KIF6: variants seen among roughly 807,000 people sequenced by gnomAD.
KIF6 encodes kinesin family member 6, also known as kinesin-like protein KIF6.
KIF6 carries 106 observed loss-of-function variants against 112.7 expected under a neutral mutation model. The observed-to-expected ratio is 0.94, with a 90% CI of 0.80 to 1.11. The LOEUF is 1.11. Ranked by LOEUF, KIF6 falls within the 50% of genes least tolerant of loss-of-function variation. The pLI, the probability that KIF6 is intolerant of heterozygous loss-of-function variation, is 0.00. For missense variants in KIF6, 929 were observed against 964.0 expected (o/e 0.96, Z 0.48); for synonymous variants, 339 against 339.9 (o/e 1.00, Z 0.03).
At chr6:39,620,796 T>A (rs1224140166) in intron 5 of KIF6, among the ~76,000 whole-genome samples, 1 of 149,030 alleles carries the variant, frequency 6.7e-6, no homozygotes, top group East Asian at 2.1e-4. Flanking sequence ...TGAGGCAGAG[T>A]CTTCCACTGT....
intron 13 of KIF6, among the ~76,000 whole-genome samples, chr6:39,451,458 A>G (rs1278977438): frequency 6.6e-6 from 1 of 152,228 alleles, no homozygotes; most frequent in African/African-American, 2.4e-5. Flanking sequence ...CTTGCTTTCT[A>G]GGAAGCCAGT....
chr6:39,624,325 C>CA (rs1201219612), intron 5 of KIF6, among the ~76,000 whole-genome samples: 1 of 152,146 alleles, frequency 6.6e-6, no homozygotes, highest in Non-Finnish European at 1.5e-5. Flanking sequence ...TGTTGGTATA[C>CA]ATGGTATTAA....
chr6:39,695,322 T>TAA (rs1788462987), intron 3 of KIF6, among the ~76,000 whole-genome samples: 1 of 152,100 alleles, frequency 6.6e-6, no homozygotes, highest in Admixed American at 6.5e-5. Flanking sequence ...ACGATTGAAC[T>TAA]AAAGAGCTTC....
intron 13 of KIF6, among the ~76,000 whole-genome samples, chr6:39,449,156 A>G (rs1772526194): frequency 2.0e-5 from 3 of 152,212 alleles, no homozygotes; most frequent in Admixed American, 1.3e-4. Context: ...GCCAGCTTCC[A>G]TTTTGCCCTC....
At chr6:39,392,485 T>C (rs900014105) in intron 15 of KIF6, among the ~76,000 whole-genome samples, 1 of 152,230 alleles carries the variant, frequency 6.6e-6, no homozygotes, top group African/African-American at 2.4e-5. Flanking sequence ...TTAAAGTATG[T>C]TGAGGATACT....
At chr6:39,514,550 G>A (rs946162529) in intron 13 of KIF6, among the ~76,000 whole-genome samples, 7 of 152,186 alleles carry the variant, frequency 4.6e-5, no homozygotes, top group Non-Finnish European at 7.3e-5. Flanking sequence ...AAATGTGTAA[G>A]ATTTAGTTTT....
At chr6:39,608,734 T>C (rs552747742) in intron 6 of KIF6, among the ~76,000 whole-genome samples, 3 of 152,358 alleles carry the variant, frequency 2.0e-5, no homozygotes, top group Non-Finnish European at 2.9e-5. Flanking sequence ...TGAAGTCATC[T>C]GTGATGTTCT....
intron 13 of KIF6, among the ~76,000 whole-genome samples, chr6:39,510,150 G>A (rs1776686534): frequency 6.7e-6 from 1 of 149,470 alleles, no homozygotes; most frequent in Non-Finnish European, 1.5e-5. Flanking sequence ...CTGGAGTGCA[G>A]CGGCATGATC....
intron 13 of KIF6, among the ~76,000 whole-genome samples, chr6:39,437,378 T>G (rs2150390343): frequency 6.6e-6 from 1 of 152,330 alleles, no homozygotes; most frequent in East Asian, 1.9e-4. Flanking sequence ...CAGTTTTGTT[T>G]GCAGCAATAT....
In KIF6 at chr6:39,346,077, TCTCTCTCTCCC is replaced by T. The variant is rs1763712884; in HGVS notation, c.2232-299_2232-289del. Among the ~76,000 whole-genome samples the T allele has an allele frequency of 1.8e-4, 5 of 27,416 alleles. No individual in the cohort carries two copies. In the South Asian group the frequency reaches 3.6e-3, roughly 20 times the overall value. The allele number at this position is 27,416 out of a possible 152,430, so 18.0% of individuals were successfully genotyped here. A position where few individuals can be genotyped will look rare whatever the true frequency, so the allele number is the denominator to read the frequency against. ...CTCTCTCTCTCTCTCTCTCTCTCTCTCTCTCTCTCCCCCCCCTCTCCCTCCCCCCCTCCCTC... is the reference window on the plus strand; with the variant it reads ...CTCTCTCTCTCTCTCTCTCTCTCTCTCCCCCTCTCCCTCCCCCCCTCCCTC... On this transcript the variant is annotated intron_variant, in intron 20 of 22. Transcript: ENST00000287152.
intron 3 of KIF6, among the ~76,000 whole-genome samples, chr6:39,681,398 T>C (rs536210981): frequency 6.6e-6 from 1 of 152,214 alleles, no homozygotes; most frequent in Non-Finnish European, 1.5e-5. Flanking sequence ...TATATTTTCA[T>C]GTATAAAAAC....
intron 13 of KIF6, among the ~76,000 whole-genome samples, chr6:39,503,084 A>T (rs916846755): frequency 6.6e-6 from 1 of 152,124 alleles, no homozygotes; most frequent in African/African-American, 2.4e-5. Context: ...GATCACATAA[A>T]TTAGAAGTAA....
Position 39,389,591 on chromosome 6 carries a change from T to C in KIF6, c.1811-3919A>G, listed in dbSNP as rs57017293. Among the ~76,000 whole-genome samples the C allele has an allele frequency of 1.4e-3, 210 of 152,296 alleles. 1 individual carries two copies. Among genetic ancestry groups the C allele is most frequent in the African/African-American group, 4.8e-3 (201 of 41,548 alleles). On this transcript the variant is annotated intron_variant, in intron 15 of 22. Coordinates refer to ENST00000287152, the MANE Select transcript of KIF6 (RefSeq NM_145027.6). ...TAAGTGCTGGACCAACGGCTGGCCT[T>C]GCTCCTCCATCAGGGATGGTTTGCT... is the stretch of plus-strand genomic sequence containing the variant.
chr6:39,441,424 T>C (rs1304555334), intron 13 of KIF6, among the ~76,000 whole-genome samples: 1 of 152,218 alleles, frequency 6.6e-6, no homozygotes, highest in Non-Finnish European at 1.5e-5. Context: ...ACTGTGCAGA[T>C]GGTCTCCCCT....
In KIF6 at chr6:39,596,277, A is replaced by T; in HGVS notation, c.640-17T>A. ...CATAGGAGTCTATAAAAAAATTGCAAAACAAAAATTATTTGAACAATGAAA... is the reference window on the plus strand; with the variant it reads ...CATAGGAGTCTATAAAAAAATTGCATAACAAAAATTATTTGAACAATGAAA... On this transcript the variant is annotated splice_polypyrimidine_tract_variant and intron_variant, in intron 6 of 22. Transcript: ENST00000287152. 6.5e-7 allele frequency: 1 copy of T among 1,541,196 alleles called. No individual in the cohort carries two copies. The highest frequency in any genetic ancestry group is 9.0e-7 in the Non-Finnish European group (1 of 1,116,784).
At chr6:39,346,297 C>T in intron 20 of KIF6, 179 bp downstream of exon 20, 1 of 697,322 alleles carries the variant, frequency 1.4e-6, no homozygotes, top group Non-Finnish European at 2.6e-6. Flanking sequence ...AACCTAATCT[C>T]CAATGTAATG....
chr6:39,593,540 T>G (rs1342329374), intron 7 of KIF6, among the ~76,000 whole-genome samples: 2 of 152,234 alleles, frequency 1.3e-5, no homozygotes, highest in Non-Finnish European at 2.9e-5. Context: ...TATCTTATGT[T>G]GAACCTTCTA....
At chr6:39,479,244 T>A (rs754141328) in intron 13 of KIF6, among the ~76,000 whole-genome samples, 2 of 152,236 alleles carry the variant, frequency 1.3e-5, no homozygotes, top group African/African-American at 2.4e-5. Context: ...GTCTTAGATT[T>A]AAGTCCTTGA....
intron 13 of KIF6, among the ~76,000 whole-genome samples, chr6:39,454,206 A>G (rs1407387513): frequency 1.3e-5 from 2 of 152,306 alleles, no homozygotes; most frequent in African/African-American, 4.8e-5. Context: ...TTTGATACAA[A>G]GACTCAAAAA....
Sources: allele counts gnomAD v4.1 joint callset (sites outside exome capture counted in the v4.1 genomes callset), GRCh38; gene constraint gnomAD v4.1.1; transcripts MANE v1.5; gene names NCBI Gene and HGNC (gene_info 2026-07-23, HGNC 2026-07-21).